CTNND2: variants seen among roughly 807,000 people sequenced by gnomAD.
CTNND2 encodes the protein catenin delta-2.
CTNND2 carries 22 observed loss-of-function variants against 144.4 expected under a neutral mutation model. The observed-to-expected ratio is 0.15, with a 90% CI of 0.11 to 0.22. CTNND2 has a LOEUF of 0.22. Among genes scored for constraint, CTNND2 ranks in the 10% least tolerant of loss-of-function variants. CTNND2 has a pLI of 1.00. For missense variants in CTNND2, 1,353 were observed against 1,618.8 expected (o/e 0.84, Z 2.82); for synonymous variants, 751 against 695.6 (o/e 1.08, Z -1.25).
At chr5:11,514,107 C>T (rs1331811567) in intron 3 of CTNND2, among the ~76,000 whole-genome samples, 1 of 151,798 alleles carries the variant, frequency 6.6e-6, no homozygotes, top group African/African-American at 2.4e-5. Flanking sequence ...GACGCTTGAG[C>T]CAAGGCAGTT....
At chr5:11,535,919 T>C (rs1774176868) in intron 3 of CTNND2, among the ~76,000 whole-genome samples, 1 of 152,194 alleles carries the variant, frequency 6.6e-6, no homozygotes, top group African/African-American at 2.4e-5. Context: ...AAACCAGAAC[T>C]TTCCTCATCT....
intron 3 of CTNND2, among the ~76,000 whole-genome samples, chr5:11,433,616 C>T (rs568142072): frequency 5.3e-5 from 8 of 152,028 alleles, no homozygotes; most frequent in African/African-American, 7.2e-5. Flanking sequence ...ATGGTGAGAA[C>T]GGGAGCAAAA....
At chr5:11,648,172 C>CTTT (rs5865960) in intron 2 of CTNND2, among the ~76,000 whole-genome samples, 1 of 132,448 alleles carries the variant, frequency 7.6e-6, no homozygotes. Flanking sequence ...AGAACAGTGA[C>CTTT]TTTTTTTTTT....
chr5:11,798,387 C>A (rs1791511501), intron 1 of CTNND2, among the ~76,000 whole-genome samples: 1 of 151,680 alleles, frequency 6.6e-6, no homozygotes. Context: ...TAGACTCTTT[C>A]TACTCTTCTG....
intron 2 of CTNND2, chr5:11,588,727 T>C: frequency 1.0e-6 from 1 of 983,578 alleles, no homozygotes; most frequent in Non-Finnish European, 1.2e-6. Flanking sequence ...TCACTTTTTG[T>C]CTTTTACCTT....
At chr5:11,074,510 C>A (rs61750304) in intron 16 of CTNND2, among the ~76,000 whole-genome samples, 3 of 152,294 alleles carry the variant, frequency 2.0e-5, no homozygotes, top group Admixed American at 6.5e-5. Context: ...GTTCATTCCC[C>A]AGTTCATGCT....
chr5:11,243,445 T>C (rs959897713), intron 9 of CTNND2, among the ~76,000 whole-genome samples: 3 of 152,222 alleles, frequency 2.0e-5, no homozygotes, highest in African/African-American at 7.2e-5. Context: ...CTTAGAGCAG[T>C]GGCTGGCACC....
At chr5:11,491,086 G>A (rs1298079367) in intron 3 of CTNND2, among the ~76,000 whole-genome samples, 1 of 152,214 alleles carries the variant, frequency 6.6e-6, no homozygotes, top group Non-Finnish European at 1.5e-5. Flanking sequence ...AGATGAATGT[G>A]ACCATCTGCT....
Position 11,791,707 on chromosome 5 carries a change from T to C in CTNND2, c.38-59435A>G, listed in dbSNP as rs1332269694. ...TATGAAAGTGGTTCACGAAAACGAA[T>C]CTGGGACATTGAGGCTCTTTCTTGC... On this transcript the variant is annotated intron_variant, in intron 1 of 21. Transcript: ENST00000304623. 2.0e-5 allele frequency among the ~76,000 whole-genome samples: 3 copies of C among 152,204 alleles called. No individual in the cohort carries two copies. The East Asian group carries it at 5.8e-4, about 29-fold the overall frequency.
intron 2 of CTNND2, among the ~76,000 whole-genome samples, chr5:11,612,897 C>T (rs796494336): frequency 3.3e-5 from 5 of 152,158 alleles, no homozygotes; most frequent in South Asian, 2.1e-4. Context: ...GAGACCCTGC[C>T]TCAATATAAA....
intron 3 of CTNND2, among the ~76,000 whole-genome samples, chr5:11,556,017 T>G (rs1193951723): frequency 1.3e-5 from 2 of 152,206 alleles, no homozygotes; most frequent in Non-Finnish European, 2.9e-5. Flanking sequence ...ACTAATTGTC[T>G]TGTTTAAATA....
intron 10 of CTNND2, among the ~76,000 whole-genome samples, chr5:11,204,871 G>A (rs1233658464): frequency 4.6e-5 from 7 of 152,112 alleles, no homozygotes; most frequent in Non-Finnish European, 5.9e-5. Context: ...CCGAGGGCGT[G>A]GCCTCCCAGG....
intron 1 of CTNND2, among the ~76,000 whole-genome samples, chr5:11,841,322 A>C (rs1364371130): frequency 6.7e-6 from 1 of 148,358 alleles, no homozygotes; most frequent in Non-Finnish European, 1.5e-5. Flanking sequence ...AAGAACCAAA[A>C]ACACAAACAA....
intron 16 of CTNND2, among the ~76,000 whole-genome samples, chr5:11,072,241 G>A (rs6863268): frequency 0.29 from 43,922 of 152,132 alleles, 6,502 homozygotes; most frequent in Middle Eastern, 0.37. Context: ...TAATGTTGCA[G>A]TCTTAGTGAG....
At chr5:11,392,785 T>C (rs1370124102) in intron 6 of CTNND2, among the ~76,000 whole-genome samples, 1 of 152,118 alleles carries the variant, frequency 6.6e-6, no homozygotes, top group African/African-American at 2.4e-5. Context: ...TGTTGCATAG[T>C]GTATACATTT....
At chr5:11,782,933 G>A (rs778248301) in intron 1 of CTNND2, among the ~76,000 whole-genome samples, 2 of 152,202 alleles carry the variant, frequency 1.3e-5, no homozygotes, top group Non-Finnish European at 2.9e-5. Flanking sequence ...TCAGATGAAA[G>A]GACATAACAA....
At chr5:11,060,079 T>C (rs1746785059) in intron 16 of CTNND2, among the ~76,000 whole-genome samples, 1 of 152,164 alleles carries the variant, frequency 6.6e-6, no homozygotes, top group Non-Finnish European at 1.5e-5. Context: ...CTGCAGGCTA[T>C]TCTCACTTCT....
intron 9 of CTNND2, among the ~76,000 whole-genome samples, chr5:11,292,212 C>T (rs1748423907): frequency 6.6e-6 from 1 of 152,068 alleles, no homozygotes; most frequent in Non-Finnish European, 1.5e-5. Flanking sequence ...GTATCTTTGC[C>T]CAACTAAAAT....
intron 2 of CTNND2, among the ~76,000 whole-genome samples, chr5:11,577,371 C>T (rs1456772137): frequency 6.6e-6 from 1 of 152,112 alleles, no homozygotes; most frequent in Non-Finnish European, 1.5e-5. Flanking sequence ...GAAATCAACA[C>T]ATCATTAAAT....
Sources: gnomAD v4.1 joint callset for allele counts (sites outside exome capture counted in the v4.1 genomes callset) on GRCh38, gnomAD v4.1.1 for gene constraint, MANE v1.5 for transcripts, NCBI Gene and HGNC (gene_info 2026-07-23, HGNC 2026-07-21) for gene names.